Variants in PRH1 observed in about 807,000 individuals in gnomAD.
PRH1 encodes the protein proline rich protein HaeIII subfamily 1, also known as salivary acidic proline-rich phosphoprotein 1/2.
Under a neutral mutation model 7.9 loss-of-function variants are expected in PRH1, and 7 were observed. The ratio of observed to expected loss-of-function variants is 0.89; its 90% CI spans 0.50 to 1.67. The LOEUF is 1.67. Ranked by LOEUF, PRH1 falls within the 40% of genes most tolerant of loss-of-function variation. PRH1 has a pLI of 0.00. For missense variants in PRH1, 109 were observed against 223.6 expected (o/e 0.49, Z 3.27); for synonymous variants, 45 against 80.8 (o/e 0.56, Z 2.38).
rs145166771 is a variant in PRH1, at chr12:10,881,268, G to A, written c.*19-212C>T. ...ATGTGATTTAAAGTGTTGCTTAGATGAGAAAGAGAAACAATTATTGTTATG... is the reference window on the plus strand; with the variant it reads ...ATGTGATTTAAAGTGTTGCTTAGATAAGAAAGAGAAACAATTATTGTTATG... On this transcript the variant is annotated intron_variant, in intron 3 of 3. Transcript: ENST00000543626. Among the ~76,000 whole-genome samples, 807 of 152,292 alleles carry A rather than the reference G, an allele frequency of 5.3e-3. 16 individuals are homozygous for A. Among genetic ancestry groups the A allele is most frequent in the African/African-American group, 0.019 (769 of 41,562 alleles).
chr12:11,149,469 A>C (rs1308576562), intron 1 of PRH1, among the ~76,000 whole-genome samples: 7 of 151,832 alleles, frequency 4.6e-5, no homozygotes, highest in Non-Finnish European at 7.4e-5. Flanking sequence ...ACCAAAACAG[A>C]GATATAGATC....
chr12:11,061,777 T>C (rs1341627818), intron 1 of PRH1: 1 of 1,614,138 alleles, frequency 6.2e-7, no homozygotes, highest in Non-Finnish European at 8.5e-7. Context: ...ATTTGAAAGG[T>C]ACATTGCACT....
At chr12:11,103,342 T>A (rs1436989218) in intron 1 of PRH1, among the ~76,000 whole-genome samples, 2 of 152,142 alleles carry the variant, frequency 1.3e-5, no homozygotes, top group Non-Finnish European at 2.9e-5. Context: ...ATATACACCA[T>A]GGAATACTAT....
chr12:11,122,842 A>G (rs1270893743), intron 1 of PRH1, among the ~76,000 whole-genome samples: 1 of 152,210 alleles, frequency 6.6e-6, no homozygotes, highest in African/African-American at 2.4e-5. Context: ...TGGAAAACAT[A>G]GCAATGTATC....
chr12:11,106,322 T>C (rs1442542943), intron 1 of PRH1, among the ~76,000 whole-genome samples: 1 of 152,172 alleles, frequency 6.6e-6, no homozygotes, highest in African/African-American at 2.4e-5. Flanking sequence ...ATAGAAGAAA[T>C]TGTTGTCCTA....
chr12:10,945,878 G>T (rs1035359250), intron 2 of PRH1, among the ~76,000 whole-genome samples: 5 of 152,152 alleles, frequency 3.3e-5, no homozygotes, highest in Non-Finnish European at 7.4e-5. Context: ...CTGAGAAAAA[G>T]AATTCAGTGA....
intron 1 of PRH1, chr12:11,061,250 A>G (rs1338811796): frequency 4.1e-6 from 6 of 1,450,980 alleles, no homozygotes; most frequent in East Asian, 4.6e-5. Flanking sequence ...TTCTAGGTAC[A>G]TGCTTGAAAG....
intron 1 of PRH1, among the ~76,000 whole-genome samples, chr12:11,142,585 C>A (rs145386864): frequency 9.5e-4 from 144 of 152,050 alleles, no homozygotes; most frequent in African/African-American, 3.4e-3. Flanking sequence ...TATTGCAATT[C>A]GAAAGGAATT....
intron 2 of PRH1, among the ~76,000 whole-genome samples, chr12:10,920,051 T>C (rs1185661413): frequency 2.0e-5 from 3 of 151,974 alleles, no homozygotes; most frequent in African/African-American, 4.8e-5. Context: ...GTTGCCACTA[T>C]ACCCAGCTAC....
At chr12:11,112,921 CT>C (rs1369125785) in intron 1 of PRH1, among the ~76,000 whole-genome samples, 3 of 152,180 alleles carry the variant, frequency 2.0e-5, no homozygotes, top group African/African-American at 7.2e-5. Flanking sequence ...AGCCCCAAAT[CT>C]CCTTAAGCTG....
At chr12:11,147,903 T>C (rs954886766) in intron 1 of PRH1, among the ~76,000 whole-genome samples, 2 of 151,536 alleles carry the variant, frequency 1.3e-5, no homozygotes, top group Non-Finnish European at 1.5e-5. Context: ...ACGATATTGA[T>C]TCTTCCTACC....
intron 1 of PRH1, among the ~76,000 whole-genome samples, chr12:11,087,156 C>T (rs1337906377): frequency 1.8e-5 from 2 of 112,906 alleles, no homozygotes; most frequent in Non-Finnish European, 2.1e-5. Flanking sequence ...AGCTGGAGTA[C>T]AGTGGCACAA....
intron 1 of PRH1, among the ~76,000 whole-genome samples, chr12:11,151,082 A>G (rs1947066312): frequency 1.3e-5 from 2 of 152,108 alleles, no homozygotes; most frequent in Admixed American, 6.5e-5. Context: ...AAGCTGCTCC[A>G]AGGAGATGAG....
At chr12:11,031,099 T>A (rs1942187092) in intron 1 of PRH1, 2 of 1,614,174 alleles carry the variant, frequency 1.2e-6, no homozygotes, top group East Asian at 2.2e-5. Flanking sequence ...TAGTTCTTAC[T>A]TCTACACTAT....
At chr12:11,152,471 A>C (rs1377253535) in intron 1 of PRH1, among the ~76,000 whole-genome samples, 2 of 151,910 alleles carry the variant, frequency 1.3e-5, no homozygotes, top group Non-Finnish European at 2.9e-5. Flanking sequence ...CTGTTTTAAT[A>C]TTTTTATAGA....
At chr12:11,078,099 G>T in intron 1 of PRH1, 1 of 633,260 alleles carries the variant, frequency 1.6e-6, no homozygotes, top group Non-Finnish European at 3.0e-6. Context: ...CCAGAGCAGT[G>T]AGGATTTGGT....
At chr12:11,143,427 AG>A (rs1207731629) in intron 1 of PRH1, among the ~76,000 whole-genome samples, 1 of 152,224 alleles carries the variant, frequency 6.6e-6, no homozygotes, top group Non-Finnish European at 1.5e-5. Flanking sequence ...CCTTCACTAA[AG>A]AAAGATAGGA....
intron 2 of PRH1, among the ~76,000 whole-genome samples, chr12:10,955,888 A>G (rs956718174): frequency 6.6e-6 from 1 of 152,148 alleles, no homozygotes; most frequent in African/African-American, 2.4e-5. Context: ...TAAGAAATTG[A>G]ATCCCTGAGC....
chr12:10,951,063 T>C (rs188645020), intron 2 of PRH1, among the ~76,000 whole-genome samples: 15 of 152,320 alleles, frequency 9.8e-5, no homozygotes, highest in Admixed American at 3.3e-4. Flanking sequence ...GGCATACTAA[T>C]GGATGAGTTC....
Sources: allele counts gnomAD v4.1 joint callset (sites outside exome capture counted in the v4.1 genomes callset), GRCh38; gene constraint gnomAD v4.1.1; transcripts MANE v1.5; gene names NCBI Gene and HGNC (gene_info 2026-07-23, HGNC 2026-07-21).